Variants in ACSL6 observed in about 807,000 individuals in gnomAD.
ACSL6 encodes acyl-CoA synthetase long chain family member 6, also known as long-chain-fatty-acid--CoA ligase 6.
ACSL6 carries 47 observed loss-of-function variants against 98.2 expected under a neutral mutation model. The ratio of observed to expected loss-of-function variants is 0.48; its 90% confidence interval spans 0.38 to 0.61. The LOEUF is 0.61. ACSL6 is among the 20% of genes least tolerant of loss of function. The pLI is 0.00. For missense variants in ACSL6, 761 were observed against 913.4 expected (o/e 0.83, Z 2.15); for synonymous variants, 362 against 336.9 (o/e 1.07, Z -0.82).
chr5:131,975,277 C>T, intron 10 of ACSL6: 1 of 1,231,116 alleles, frequency 8.1e-7, no homozygotes, highest in Non-Finnish European at 1.0e-6. Context: ...CCAAATGAAG[C>T]ACACAGAAAC....
At position 132,002,270 on chromosome 5, in the gene ACSL6, G is replaced by A. The variant is rs566472322; in HGVS notation, c.50-8019C>T. On this transcript the variant is annotated intron_variant, in intron 1 of 20. Transcript: ENST00000651883. ...CCTTTGCCTTTCCGGCCATGTCCAC[G>A]TTAGGACTGCTGGTGTCCCGGCCTC... 2.0e-5 allele frequency among the ~76,000 whole-genome samples: 3 copies of A among 152,328 alleles called. No homozygotes were observed. The South Asian group carries it at 6.2e-4, about 32-fold the overall frequency.
Position 131,988,843 on chromosome 5 carries a change from G to A in ACSL6, c.614C>T (p.Thr205Ile). The change falls in exon 6 of 21, where the codon ACC (threonine) becomes ATC (isoleucine). Residue 205 changes from threonine to isoleucine, a missense_variant. Coordinates refer to ENST00000651883, the MANE Select transcript of ACSL6 (RefSeq NM_001009185.3). The stretch of plus-strand genomic sequence containing the variant: ...GTAGCGGATAGCCCCAGGGCCCAGG[G>A]TGTCATAGAGCGGGACCACCACCAT... ...YSMVVVPLYD[T>I]LGPGAIRYII... is the part of the protein sequence containing the mutation. The A allele has an allele frequency of 1.9e-6, 3 of 1,613,910 alleles. No individual in the cohort carries two copies. Among genetic ancestry groups the A allele is most frequent in the Non-Finnish European group, 2.5e-6 (3 of 1,179,950 alleles).
Position 131,994,069 on chromosome 5 carries a change from G to A in ACSL6, c.232C>T (p.Pro78Ser), listed in dbSNP as rs765898566. ...WFTHRPKALQ[P>S]PCNLLMQSEE... is the part of the protein sequence containing the mutation. Reference sequence around the variant, plus strand: ...GACTGCATCAGGAGGTTGCATGGCGGCTGCAAGGCCTTTGGCCGGTGAGTG... The same window carrying A: ...GACTGCATCAGGAGGTTGCATGGCGACTGCAAGGCCTTTGGCCGGTGAGTG... Residue 78 changes from proline to serine, a missense_variant, in exon 2 of 21, where the codon CCG becomes TCG. Coordinates refer to ENST00000651883, the MANE Select transcript of ACSL6 (RefSeq NM_001009185.3). 2 of 1,613,992 alleles carry A rather than the reference G, an allele frequency of 1.2e-6. No individual in the cohort carries two copies. Among genetic ancestry groups the A allele is most frequent in the East Asian group, 2.2e-5 (1 of 44,894 alleles).
intron 20 of ACSL6, among the ~76,000 whole-genome samples, chr5:131,958,573 A>C (rs1422804696): frequency 6.6e-6 from 1 of 152,228 alleles, no homozygotes; most frequent in Non-Finnish European, 1.5e-5. Flanking sequence ...ATTAATGTAA[A>C]GATCTATTTT....
chr5:131,958,252 C>T (rs1012260340), intron 20 of ACSL6, among the ~76,000 whole-genome samples: 1 of 152,172 alleles, frequency 6.6e-6, no homozygotes, highest in African/African-American at 2.4e-5. Flanking sequence ...CCAGGATGTC[C>T]GCAGGAACTG....
At chr5:131,981,171 G>C (rs970224249) in intron 9 of ACSL6, among the ~76,000 whole-genome samples, 81 of 151,918 alleles carry the variant, frequency 5.3e-4, no homozygotes, top group African/African-American at 2.0e-3. Context: ...TGGTGCTTGA[G>C]CATCCTCTTC....
In ACSL6 at chr5:131,989,434, A is replaced by G; in HGVS notation, c.525T>C (p.Ile175=). ...CTGGCCGATTTTGTGCAAAAACACC[A>G]ATAAACTGATCAGTGCATGCTTTAC... ...HNCKACTDQF[I]GVFAQNRPEW... is the part of the protein sequence containing the mutation. The change falls in exon 5 of 21, where the codon ATT becomes ATC. Residue 175 remains isoleucine, a synonymous_variant. Coordinates refer to ENST00000651883, the MANE Select transcript of ACSL6 (RefSeq NM_001009185.3). The G allele has an allele frequency of 6.2e-7, 1 of 1,614,056 alleles. No individual in the cohort carries two copies. The highest frequency in any genetic ancestry group is 8.5e-7 in the Non-Finnish European group (1 of 1,179,980).
intron 9 of ACSL6, among the ~76,000 whole-genome samples, chr5:131,981,248 A>G (rs1407123126): frequency 6.6e-6 from 1 of 151,708 alleles, no homozygotes; most frequent in Non-Finnish European, 1.5e-5. Context: ...CAGAAGAGCA[A>G]CAAACCTCCC....
intron 5 of ACSL6, 128 bp from the exon 6 acceptor site, chr5:131,989,032 T>G: frequency 1.3e-6 from 1 of 796,518 alleles, no homozygotes; most frequent in Non-Finnish European, 2.1e-6. Flanking sequence ...ATGAGGTTAA[T>G]GGGTTGTGTC....
At chr5:131,975,672 G>C in intron 10 of ACSL6, 1 of 985,424 alleles carries the variant, frequency 1.0e-6, no homozygotes, top group Non-Finnish European at 1.2e-6. Flanking sequence ...AGCAAAGGGA[G>C]GGCCCAGGAC....
chr5:131,956,234 G>A lies in ACSL6; in HGVS notation c.2032-1863C>T, dbSNP rs1034055351. Among the ~76,000 whole-genome samples the A allele has an allele frequency of 2.6e-5, 4 of 152,250 alleles. No homozygotes were observed. In the East Asian group the frequency reaches 7.7e-4, roughly 29 times the overall value. ...AGATTTATAAGGAGAGGTATATAATGTCATTTATATGGTTAAGTAGAAATG... is the reference window on the plus strand; with the variant it reads ...AGATTTATAAGGAGAGGTATATAATATCATTTATATGGTTAAGTAGAAATG... On this transcript the variant is annotated intron_variant, in intron 20 of 20. Coordinates refer to ENST00000651883, the MANE Select transcript of ACSL6 (RefSeq NM_001009185.3).
rs1326785831 is a variant in ACSL6 at position 131,994,292 on chromosome 5, G to C, written c.50-41C>G. The stretch of plus-strand genomic sequence containing the variant: ...GTCAGATAAGGCAAGAGACCTGACG[G>C]GCAGGTTAGGGAGGGGTCCTGGGTC... On this transcript the variant is annotated intron_variant, in intron 1 of 20. Transcript: ENST00000651883. 3 of 1,537,546 alleles carry C rather than the reference G, an allele frequency of 2.0e-6. No homozygotes were observed. The Admixed American group carries it at 5.7e-5, about 29-fold the overall frequency.
chr5:131,988,625 G>A (rs927040375), intron 6 of ACSL6, 180 bp downstream of exon 6: 1 of 1,613,160 alleles, frequency 6.2e-7, no homozygotes, highest in Non-Finnish European at 8.5e-7. Context: ...TTCGTGTGAA[G>A]TCTGACCAGG....
chr5:131,986,308 CA>C (rs1398603033), intron 8 of ACSL6, among the ~76,000 whole-genome samples: 5 of 152,280 alleles, frequency 3.3e-5, no homozygotes, highest in Non-Finnish European at 4.4e-5. Flanking sequence ...GCCTGGAGGC[CA>C]TATGCCTTTT....
At chr5:131,996,301 G>C (rs1311954266) in intron 1 of ACSL6, among the ~76,000 whole-genome samples, 2 of 152,212 alleles carry the variant, frequency 1.3e-5, no homozygotes, top group East Asian at 3.8e-4. Flanking sequence ...ATTCACCAGG[G>C]AAAATCACTC....
intron 10 of ACSL6, 71 bp downstream of exon 10, chr5:131,976,576 AT>A (rs1753628139): frequency 7.6e-7 from 1 of 1,323,808 alleles, no homozygotes; most frequent in African/African-American, 1.5e-5. Context: ...AAACAAACAA[AT>A]AAAAAAAAAT....
chr5:131,985,506 G>C, intron 8 of ACSL6, 48 bp from the exon 9 acceptor site: 3 of 1,606,582 alleles, frequency 1.9e-6, no homozygotes, highest in Non-Finnish European at 2.6e-6. Context: ...AGTGTGGCCA[G>C]CCAGGGCCCA....
At position 132,011,643 on chromosome 5, in the gene ACSL6, C is replaced by G; in HGVS notation, c.-90G>C. ...AGCCCAGCAGCCCCAGCAGTAGCCG[C>G]GCCGCCGCCGCCGCTGCCGGGTATT... On this transcript the variant is annotated 5_prime_UTR_variant, in exon 1 of 21. Transcript: ENST00000651883. This position sits in a 1 kb window ranked among gnomAD's most constrained non-coding sequence, Gnocchi z 5.4. 8.0e-7 allele frequency: 1 copy of G among 1,256,202 alleles called. No individual in the cohort carries two copies. Among genetic ancestry groups the G allele is most frequent in the East Asian group, 3.2e-5 (1 of 30,828 alleles). The allele number at this position is 1,256,202 out of a possible 1,614,324, so 77.8% of individuals were successfully genotyped here. A position where few individuals can be genotyped will look rare whatever the true frequency, so the allele number is the denominator to read the frequency against.
Position 131,988,886 on chromosome 5 carries a change from C to A in ACSL6, c.571G>T (p.Ala191Ser). Reference protein sequence around the residue: ...NRPEWIIVELACYTYSMVVVP... With the variant: ...NRPEWIIVELSCYTYSMVVVP... ...ACCACCATGGAATATGTGTAGCAGG[C>A]CAGCTCCACAATGATCCACTGTGGA... Residue 191 changes from alanine to serine, a missense_variant, in exon 6 of 21, where the codon GCC becomes TCC. Transcript: ENST00000651883. 6.2e-7 allele frequency: 1 copy of A among 1,613,796 alleles called. No homozygotes were observed. Among genetic ancestry groups the A allele is most frequent in the Non-Finnish European group, 8.5e-7 (1 of 1,179,938 alleles).
Sources: gnomAD v4.1 joint callset for allele counts (sites outside exome capture counted in the v4.1 genomes callset) on GRCh38, gnomAD v4.1.1 for gene constraint, Gnocchi (gnomAD v3.1) non-coding constraint, MANE v1.5 for transcripts, NCBI Gene and HGNC (gene_info 2026-07-23, HGNC 2026-07-21) for gene names.